The following GUCA1A variants were observed in gnomAD, a reference collection of about 807,000 sequenced individuals.
The protein encoded by GUCA1A is guanylate cyclase activator 1A.
GUCA1A carries 14 observed loss-of-function variants against 18.5 expected under a neutral mutation model. That is an observed-to-expected ratio of 0.76 (90% CI 0.50 to 1.18). GUCA1A has a LOEUF of 1.18. Among genes scored for constraint, GUCA1A ranks in the 50% most tolerant of loss-of-function variants. GUCA1A has a pLI of 0.00. For synonymous variants in GUCA1A, 97 were observed against 100.2 expected (o/e 0.97, Z 0.19); for missense variants, 264 against 262.4 (o/e 1.01, Z -0.04).
In GUCA1A at chr6:42,179,238, C is replaced by G. The variant is rs199664320; in HGVS notation, c.446-5C>G. On this transcript the variant is annotated splice_polypyrimidine_tract_variant and splice_region_variant and intron_variant, in intron 3 of 3. Coordinates refer to ENST00000372958, the MANE Select transcript of GUCA1A (RefSeq NM_001384910.1). Reference sequence around the variant, plus strand: ...TCCCCCTGATTCCCTTTCTCTCTACCCCAGGGGAACTCTCCCTGGAAGAGT... The same window carrying G: ...TCCCCCTGATTCCCTTTCTCTCTACGCCAGGGGAACTCTCCCTGGAAGAGT... 6.2e-7 allele frequency: 1 copy of G among 1,611,574 alleles called. No individual in the cohort carries two copies. The highest frequency in any genetic ancestry group is 1.1e-5 in the South Asian group (1 of 91,026).
chr6:42,175,358 T>TTC (rs1456998487), intron 1 of GUCA1A, among the ~76,000 whole-genome samples: 1 of 110,990 alleles, frequency 9.0e-6, no homozygotes, highest in African/African-American at 7.2e-5. Flanking sequence ...CATGTCTTTT[T>TTC]TTTTTTTTTT....
intron 1 of GUCA1A, among the ~76,000 whole-genome samples, chr6:42,177,666 C>A (rs935246375): frequency 3.9e-5 from 6 of 152,298 alleles, no homozygotes; most frequent in Admixed American, 3.9e-4. Flanking sequence ...CCAGAGGAAA[C>A]CTCTTTAGCA....
At position 42,173,789 on chromosome 6, in the gene GUCA1A, T is replaced by C; in HGVS notation, c.176T>C (p.Met59Thr). 1 of 1,613,980 alleles carries C rather than the reference T, an allele frequency of 6.2e-7. No homozygotes were observed. The highest frequency in any genetic ancestry group is 8.5e-7 in the Non-Finnish European group (1 of 1,179,872). ...SPSASQYVEQ[M>T]FETFDFNKDG... ...TCGGCCAGCCAGTACGTGGAACAGATGTTTGAGACTTTTGACTTCAACAAG... is the reference window on the plus strand; with the variant it reads ...TCGGCCAGCCAGTACGTGGAACAGACGTTTGAGACTTTTGACTTCAACAAG... The change falls in exon 1 of 4, where the codon ATG becomes ACG. Residue 59 changes from methionine (M) to threonine (T), a missense_variant. Physicochemically the swap from Met to Thr is moderately conservative, Grantham distance 81. Coordinates refer to ENST00000372958, the MANE Select transcript of GUCA1A (RefSeq NM_001384910.1).
Position 42,178,344 on chromosome 6 carries a change from A to G in GUCA1A, c.266A>G (p.Glu89Gly), listed in dbSNP as rs1245426411. The G allele has an allele frequency of 1.2e-6, 2 of 1,614,008 alleles. No individual in the cohort carries two copies. Among genetic ancestry groups the G allele is most frequent in the Admixed American group, 3.3e-5 (2 of 60,030 alleles). The change falls in exon 2 of 4, where the codon GAA (glutamate) becomes GGA (glycine). Residue 89 changes from glutamate to glycine, a missense_variant. Coordinates refer to ENST00000372958, the MANE Select transcript of GUCA1A (RefSeq NM_001384910.1). ...AGCTTGGTCCTCAAGGGGAAGGTGG[A>G]ACAGAAGCTCCGCTGGTACTTCAAG... is the stretch of plus-strand genomic sequence containing the variant. Reference protein sequence around the residue: ...ALSLVLKGKVEQKLRWYFKLY... With the variant: ...ALSLVLKGKVGQKLRWYFKLY...
Position 42,179,230 on chromosome 6 carries a change from C to T in GUCA1A, c.446-13C>T, listed in dbSNP as rs540321569. ...CACCCTCCTCCCCCTGATTCCCTTT[C>T]TCTCTACCCCAGGGGAACTCTCCCT... On this transcript the variant is annotated splice_polypyrimidine_tract_variant and intron_variant, in intron 3 of 3. Transcript: ENST00000372958. The T allele has an allele frequency of 6.2e-7, 1 of 1,612,138 alleles. No individual in the cohort carries two copies. The highest frequency in any genetic ancestry group is 1.3e-5 in the African/African-American group (1 of 75,020).
chr6:42,178,654 A>C, intron 2 of GUCA1A, 148 bp from the exon 3 acceptor site: 1 of 821,580 alleles, frequency 1.2e-6, no homozygotes, highest in Non-Finnish European at 2.2e-6. Context: ...TTGACTCTTG[A>C]GTCCCAGCTC....
rs929654998 is a variant in GUCA1A, at chr6:42,179,896, T to C, written c.*493T>C. 6.5e-6 allele frequency: 1 copy of C among 153,046 alleles called. No individual in the cohort carries two copies. The highest frequency in any genetic ancestry group is 1.5e-5 in the Non-Finnish European group (1 of 68,686). 9.5% of individuals were successfully genotyped at this position (153,046 alleles called of 1,614,324 possible). On this transcript the variant is annotated 3_prime_UTR_variant, in exon 4 of 4. Transcript: ENST00000372958. ...GCCTACTTGTGCGCTTTGCATTTCA[T>C]TGATTGACGCCTCCCTTCAACAAGC...
intron 3 of GUCA1A, 106 bp downstream of exon 3, chr6:42,179,001 C>G: frequency 1.0e-6 from 1 of 984,230 alleles, no homozygotes; most frequent in East Asian, 2.4e-5. Flanking sequence ...GAGGAGAGGC[C>G]CAAAGGCCCC....
In GUCA1A at chr6:42,173,420, A is replaced by G. The variant is rs1336544922; in HGVS notation, c.-194A>G. On this transcript the variant is annotated 5_prime_UTR_variant, in exon 1 of 4. Transcript: ENST00000372958. ...TCTGTGAGTTTGAGTGTGGGCCATCATCTTCTTCCTTCTGCTCTCTCCCTC... is the reference window on the plus strand; with the variant it reads ...TCTGTGAGTTTGAGTGTGGGCCATCGTCTTCTTCCTTCTGCTCTCTCCCTC... The G allele has an allele frequency of 1.1e-5, 7 of 630,318 alleles. No homozygotes were observed. Among genetic ancestry groups the G allele is most frequent in the South Asian group, 1.8e-5 (1 of 54,664 alleles). The allele number at this position is 630,318 out of a possible 1,614,324, so 39.0% of individuals were successfully genotyped here. A position where few individuals can be genotyped will look rare whatever the true frequency, so the allele number is the denominator to read the frequency against.
Position 42,178,786 on chromosome 6 carries a change from C to T in GUCA1A, c.352-16C>T. ...AGGATGGGCCCCTCTCACTTCTGCC[C>T]CTTCTTCCCTCCCAGGCCATTCGCG... On this transcript the variant is annotated splice_polypyrimidine_tract_variant and intron_variant, in intron 2 of 3. Coordinates refer to ENST00000372958, the MANE Select transcript of GUCA1A (RefSeq NM_001384910.1). The T allele has an allele frequency of 6.3e-7, 1 of 1,590,716 alleles. No individual in the cohort carries two copies.
Position 42,179,470 on chromosome 6 carries a change from T to C in GUCA1A, c.*67T>C. The C allele has an allele frequency of 1.5e-6, 2 of 1,314,758 alleles. No individual in the cohort carries two copies. Among genetic ancestry groups the C allele is most frequent in the Non-Finnish European group, 1.0e-6 (1 of 959,224 alleles). 81.4% of individuals were successfully genotyped at this position (1,314,758 alleles called of 1,614,324 possible). ...ATGGTGGTGCCTGTTGGTGGTGTTCTTGTCTTAACCCTAGATAGAATCTAA... is the reference window on the plus strand; with the variant it reads ...ATGGTGGTGCCTGTTGGTGGTGTTCCTGTCTTAACCCTAGATAGAATCTAA... On this transcript the variant is annotated 3_prime_UTR_variant, in exon 4 of 4. Coordinates refer to ENST00000372958, the MANE Select transcript of GUCA1A (RefSeq NM_001384910.1).
At chr6:42,178,946 G>C in intron 3 of GUCA1A, 51 bp downstream of exon 3, 2 of 1,327,804 alleles carry the variant, frequency 1.5e-6, no homozygotes, top group South Asian at 2.3e-5. Flanking sequence ...CATGGATGTG[G>C]GGTCACCAGG....
chr6:42,177,501 CT>C (rs2113836785), intron 1 of GUCA1A, among the ~76,000 whole-genome samples: 1 of 152,108 alleles, frequency 6.6e-6, no homozygotes, highest in African/African-American at 2.4e-5. Flanking sequence ...TGATTTAGAT[CT>C]TTCTGGCACA....
intron 1 of GUCA1A, among the ~76,000 whole-genome samples, chr6:42,177,821 G>A (rs993409837): frequency 6.6e-6 from 1 of 152,188 alleles, no homozygotes; most frequent in Non-Finnish European, 1.5e-5. Context: ...AGCCCCTCAG[G>A]CAGCAGGGTG....
chr6:42,175,517 A>G (rs1358042586), intron 1 of GUCA1A, among the ~76,000 whole-genome samples: 1 of 151,534 alleles, frequency 6.6e-6, no homozygotes, highest in Non-Finnish European at 1.5e-5. Context: ...GGCACCCACA[A>G]CCATGCCTGG....
At position 42,178,803 on chromosome 6, in the gene GUCA1A, C is replaced by A; in HGVS notation, c.353C>A (p.Ala118Asp). The A allele has an allele frequency of 6.2e-7, 1 of 1,609,842 alleles. No individual in the cohort carries two copies. Among genetic ancestry groups the A allele is most frequent in the Non-Finnish European group, 8.5e-7 (1 of 1,176,104 alleles). ...CTTCTGCCCCTTCTTCCCTCCCAGG[C>A]CATTCGCGCCATTAACCCCTGCAGC... ...DRDELLTIIQ[A>D]IRAINPCSDT... is the part of the protein sequence containing the mutation. The change falls in exon 3 of 4, where the codon GCC (alanine) becomes GAC (aspartate). Residue 118 changes from alanine to aspartate, a missense_variant and splice_region_variant. Physicochemically the swap from Ala to Asp is moderately radical, Grantham distance 126. Transcript: ENST00000372958.
Position 42,173,631 on chromosome 6 carries a change from G to A in GUCA1A, c.18G>A (p.Glu6=), listed in dbSNP as rs750135381. The A allele has an allele frequency of 2.5e-6, 4 of 1,614,050 alleles. No homozygotes were observed. In the East Asian group the frequency reaches 6.7e-5, roughly 27 times the overall value. ...CCTGAGCAATGGGCAACGTGATGGA[G>A]GGAAAGTCAGTGGAGGAGCTGAGCA... is the stretch of plus-strand genomic sequence containing the variant. MGNVM[E]GKSVEELSST... is the part of the protein sequence containing the mutation. The change falls in exon 1 of 4, where the codon GAG becomes GAA. Residue 6 remains glutamate, a synonymous_variant. Transcript: ENST00000372958.
intron 1 of GUCA1A, among the ~76,000 whole-genome samples, chr6:42,174,615 T>C (rs936355678): frequency 1.1e-4 from 17 of 152,350 alleles, no homozygotes; most frequent in African/African-American, 3.1e-4. Flanking sequence ...TTTCATCCGC[T>C]GGGTGACCTT....
intron 2 of GUCA1A, 46 bp downstream of exon 2, chr6:42,178,475 ACCCGGAACTGAGAG>A: frequency 6.5e-7 from 1 of 1,545,510 alleles, no homozygotes; most frequent in African/African-American, 1.4e-5. Context: ...CTGGGGTGGG[ACCCGGAACTGAGAG>A]CCCAGGGTTA....
Sources: allele counts gnomAD v4.1 joint callset (sites outside exome capture counted in the v4.1 genomes callset), GRCh38; gene constraint gnomAD v4.1.1; transcripts MANE v1.5; gene names NCBI Gene and HGNC (gene_info 2026-07-23, HGNC 2026-07-21).